GK: variants seen among roughly 807,000 people sequenced by gnomAD.
GK encodes the protein ATP:glycerol 3-phosphotransferase.
GK carries 9 observed loss-of-function variants against 56.4 expected under a neutral mutation model. The ratio of observed to expected loss-of-function variants is 0.16; its 90% CI spans 0.10 to 0.28. GK has a LOEUF of 0.28. GK is among the 10% of genes least tolerant of loss of function. GK has a pLI of 1.00. For synonymous variants in GK, 104 were observed against 144.1 expected (o/e 0.72, Z 1.99); for missense variants, 161 against 431.4 (o/e 0.37, Z 5.55).
intron 11 of GK, among the ~76,000 whole-genome samples, chrX:30,701,454 C>G (rs1000122235): frequency 8.9e-6 from 1 of 112,038 alleles, no homozygotes; most frequent in African/African-American, 3.2e-5. Context: ...AAATTCATTA[C>G]CTTTTATATC....
intron 18 of GK, chrX:30,721,735 T>C (rs997420112): frequency 8.9e-6 from 1 of 112,229 alleles, no homozygotes; most frequent in Non-Finnish European, 1.9e-5. Context: ...CTGGTAACTT[T>C]TAAGCACAGC....
intron 13 of GK, among the ~76,000 whole-genome samples, chrX:30,717,115 G>A (rs1006089758): frequency 3.6e-5 from 4 of 111,505 alleles, no homozygotes; most frequent in Middle Eastern, 4.7e-3. Context: ...CAACAAGAAG[G>A]CATGACCATT....
chrX:30,715,411 A>G (rs1022006317), intron 13 of GK, among the ~76,000 whole-genome samples: 6 of 111,965 alleles, frequency 5.4e-5, no homozygotes, highest in African/African-American at 9.7e-5. Context: ...TTATAATTTA[A>G]TTTATTATTC....
Position 30,653,633 on chromosome X carries a change from T to G in GK, c.78+18T>G, listed in dbSNP as rs1932005033. On this transcript the variant is annotated intron_variant, in intron 1 of 20. Transcript: ENST00000427190. ...GCTTTTTGGTGAGCCCGGGGTGACA[T>G]GTGAAGAGGCGCTGAGCCGGGGCGG... is the stretch of plus-strand genomic sequence containing the variant. The G allele has an allele frequency of 5.1e-6, 6 of 1,178,102 alleles. No individual in the cohort carries two copies. The highest frequency in any genetic ancestry group is 6.9e-6 in the Non-Finnish European group (6 of 865,404).
intron 1 of GK, among the ~76,000 whole-genome samples, chrX:30,658,319 G>T (rs747263836): frequency 1.1e-4 from 11 of 104,715 alleles, no homozygotes; most frequent in African/African-American, 2.4e-4. Context: ...GATTCTTTTT[G>T]TTTTTTTTTT....
intron 3 of GK, among the ~76,000 whole-genome samples, chrX:30,676,582 G>C (rs767829128): frequency 9.0e-6 from 1 of 111,263 alleles, no homozygotes; most frequent in African/African-American, 3.3e-5. Flanking sequence ...TCCCATCCCA[G>C]GTCAGTTACA....
intron 1 of GK, 35 bp from the exon 2 acceptor site, chrX:30,665,476 G>T: frequency 2.4e-6 from 2 of 828,117 alleles, no homozygotes; most frequent in Non-Finnish European, 3.7e-6. Context: ...ATATCTGCCT[G>T]CATTTTTACA....
At chrX:30,676,679 C>G (rs1453213721) in intron 3 of GK, among the ~76,000 whole-genome samples, 1 of 111,376 alleles carries the variant, frequency 9.0e-6, no homozygotes, top group African/African-American at 3.3e-5. Context: ...CTGAAAACCT[C>G]CAATTTAGCT....
chrX:30,670,331 T>G (rs1168433417), intron 3 of GK, among the ~76,000 whole-genome samples: 2 of 112,306 alleles, frequency 1.8e-5, no homozygotes, highest in Non-Finnish European at 3.8e-5. Flanking sequence ...GTTGGCTTTC[T>G]GGACCCACTT....
chrX:30,691,468 C>CTTT (rs144523573), intron 5 of GK, among the ~76,000 whole-genome samples: 11 of 72,612 alleles, frequency 1.5e-4, no homozygotes, highest in East Asian at 4.0e-4. Flanking sequence ...CCAAGGGGTG[C>CTTT]TTTTTTTTTT....
chrX:30,673,164 C>A (rs976967855), intron 3 of GK, among the ~76,000 whole-genome samples: 1 of 111,756 alleles, frequency 8.9e-6, no homozygotes, highest in Non-Finnish European at 1.9e-5. Context: ...TACTGACATT[C>A]AGTGTAGAGA....
chrX:30,687,418 G>A, intron 4 of GK: 3 of 315,903 alleles, frequency 9.5e-6, no homozygotes, highest in South Asian at 8.8e-5. Context: ...TGTAGAAAAA[G>A]TGTTCATTCT....
At chrX:30,676,674 A>G (rs1933922214) in intron 3 of GK, among the ~76,000 whole-genome samples, 1 of 111,630 alleles carries the variant, frequency 9.0e-6, no homozygotes, top group Non-Finnish European at 1.9e-5. Context: ...CAAGTCTGAA[A>G]ACCTCCAATT....
chrX:30,693,634 T>C (rs977099526), intron 5 of GK, among the ~76,000 whole-genome samples: 4 of 111,655 alleles, frequency 3.6e-5, no homozygotes, highest in African/African-American at 1.3e-4. Context: ...CTGCAACCTC[T>C]GCCTCCCAGG....
chrX:30,702,181 T>C lies in GK; in HGVS notation c.851+1276T>C, dbSNP rs545943812. 3.6e-5 allele frequency among the ~76,000 whole-genome samples: 4 copies of C among 110,753 alleles called. No individual in the cohort carries two copies. In the South Asian group the frequency reaches 1.1e-3, roughly 31 times the overall value. On this transcript the variant is annotated intron_variant, in intron 11 of 20. Transcript: ENST00000427190. ...CCTTAGCCTCCCGAGTAGCTGGGAT[T>C]ATAGGCATGCGCCACCACGCCCAGC...
Position 30,728,788 on chromosome X carries a change from T to A in GK, c.*46T>A, listed in dbSNP as rs753198348. On this transcript the variant is annotated 3_prime_UTR_variant, in exon 21 of 21. Coordinates refer to ENST00000427190, the MANE Select transcript of GK (RefSeq NM_001205019.2). ...CCCAAGATGTGAGCTTTTTACATAA[T>A]GAAAGAACCCAGCAATTCTGTCTCT... The A allele has an allele frequency of 1.0e-6, 1 of 986,081 alleles. No individual in the cohort carries two copies. The allele number at this position is 986,081 out of a possible 1,213,427, so 81.3% of individuals were successfully genotyped here.
At position 30,696,723 on chromosome X, in the gene GK, C is replaced by A. The variant is rs185776226; in HGVS notation, c.729+40C>A. ...AACAAACAAAAAACACACCAAAAAA[C>A]CAAAAAACAAACAAAAAAAAACCTA... is the stretch of plus-strand genomic sequence containing the variant. On this transcript the variant is annotated intron_variant, in intron 8 of 20. Coordinates refer to ENST00000427190, the MANE Select transcript of GK (RefSeq NM_001205019.2). The A allele has an allele frequency of 4.3e-3, 4,273 of 999,541 alleles. 15 individuals are homozygous for A. The highest frequency in any genetic ancestry group is 8.1e-3 in the African/African-American group (430 of 53,081). 82.4% of individuals were successfully genotyped at this position (999,541 alleles called of 1,213,427 possible).
At chrX:30,665,706 T>G in intron 2 of GK, 122 bp downstream of exon 2, 1 of 490,691 alleles carries the variant, frequency 2.0e-6, no homozygotes, top group Non-Finnish European at 3.7e-6. Flanking sequence ...TTTGAAAGGT[T>G]GTTATTAGTC....
chrX:30,676,789 ATAT>A (rs1418925746), intron 3 of GK, among the ~76,000 whole-genome samples: 4 of 111,937 alleles, frequency 3.6e-5, no homozygotes, highest in Admixed American at 9.6e-5. Context: ...ATGCCATTAT[ATAT>A]TATATTTATG....
Sources: allele counts gnomAD v4.1 joint callset (sites outside exome capture counted in the v4.1 genomes callset), GRCh38; gene constraint gnomAD v4.1.1; transcripts MANE v1.5; gene names NCBI Gene and HGNC (gene_info 2026-07-23, HGNC 2026-07-21).